Variants in MYO5B observed in about 807,000 individuals in gnomAD.
The protein encoded by MYO5B is myosin VB.
Under a neutral mutation model 229.3 loss-of-function variants are expected in MYO5B, and 143 were observed. The ratio of observed to expected loss-of-function variants is 0.62; its 90% CI spans 0.54 to 0.72. The LOEUF is 0.72. MYO5B is among the 30% of genes least tolerant of loss of function. MYO5B has a pLI of 0.00. For missense variants in MYO5B, 2,321 were observed against 2,331.0 expected (o/e 1.00, Z 0.09); for synonymous variants, 918 against 885.2 (o/e 1.04, Z -0.66).
chr18:49,946,827 A>T (rs1435651573), intron 14 of MYO5B, among the ~76,000 whole-genome samples: 1 of 90 alleles, frequency 0.011, no homozygotes, highest in Non-Finnish European at 0.023. Flanking sequence ...TCTCAAAAGG[A>T]GGTACCAGTA....
intron 18 of MYO5B, among the ~76,000 whole-genome samples, chr18:49,909,077 C>G (rs974378165): frequency 6.6e-6 from 1 of 152,196 alleles, no homozygotes; most frequent in Admixed American, 6.6e-5. Context: ...TCTCATCGTT[C>G]TGTTCTAAAA....
chr18:49,853,541 G>T lies in MYO5B; in HGVS notation c.4129C>A (p.Gln1377Lys). The T allele has an allele frequency of 6.2e-7, 1 of 1,614,190 alleles. No individual in the cohort carries two copies. The change falls in exon 31 of 40, where the codon CAG becomes AAG. Residue 1377 changes from glutamine (Q) to lysine (K), a missense_variant. Physicochemically the swap from Gln to Lys is moderately conservative, Grantham distance 53. Around this residue, in one of 2 missense-constraint regions of MYO5B, gnomAD observed 2,113 missense variants for 2,044.7 expected, o/e 1.03. Transcript: ENST00000285039. ...ALKEEMDKQQ[Q>K]TFCQTLLLSP... ...AGCAGTAGCGTCTGGCAGAAGGTCT[G>T]CTGCTGTTTGTCCATCTCCTCCTTC...
chr18:49,905,231 G>C (rs1430850412), intron 19 of MYO5B, among the ~76,000 whole-genome samples: 1 of 152,144 alleles, frequency 6.6e-6, no homozygotes, highest in East Asian at 1.9e-4. Flanking sequence ...GATCCCAGGG[G>C]CTGTGTCTCC....
intron 18 of MYO5B, among the ~76,000 whole-genome samples, chr18:49,909,770 C>A (rs980733502): frequency 6.6e-6 from 1 of 152,152 alleles, no homozygotes; most frequent in Non-Finnish European, 1.5e-5. Flanking sequence ...TATTTCAGAG[C>A]TCAGTTTGGA....
intron 10 of MYO5B, among the ~76,000 whole-genome samples, chr18:49,965,455 T>TCACA (rs57101973): frequency 0.33 from 48,868 of 146,926 alleles, 9,096 homozygotes; most frequent in Non-Finnish European, 0.43. Context: ...ACACTTCTTT[T>TCACA]CACACACACA....
chr18:50,115,855 T>C (rs180695281), intron 1 of MYO5B, among the ~76,000 whole-genome samples: 1 of 152,268 alleles, frequency 6.6e-6, no homozygotes, highest in East Asian at 1.9e-4. Context: ...AAGTTCTGGA[T>C]TTTTTTCATT....
chr18:49,853,344 C>T, intron 31 of MYO5B, 105 bp downstream of exon 31: 2 of 1,141,100 alleles, frequency 1.8e-6, no homozygotes, highest in South Asian at 1.3e-5. Flanking sequence ...TACTATAGGG[C>T]CAAGGGTCAT....
intron 5 of MYO5B, among the ~76,000 whole-genome samples, chr18:49,995,790 G>T (rs2025981334): frequency 6.6e-6 from 1 of 152,138 alleles, no homozygotes; most frequent in Admixed American, 6.5e-5. Flanking sequence ...AATATATCTA[G>T]GCATAATCAA....
rs557040903 is a variant in MYO5B at position 50,176,806 on chromosome 18, A to C, written c.27+17961T>G. Among the ~76,000 whole-genome samples, 3 of 152,358 alleles carry C rather than the reference A, an allele frequency of 2.0e-5. No homozygotes were observed. In the East Asian group the frequency reaches 5.8e-4, roughly 29 times the overall value. ...AGCACTATCCTTTTCTAAAGGCTGC[A>C]ACTATTTAAGCAACTGCTTTTTTTG... On this transcript the variant is annotated intron_variant, in intron 1 of 39. Coordinates refer to ENST00000285039, the MANE Select transcript of MYO5B (RefSeq NM_001080467.3).
At chr18:50,081,495 T>C (rs1168914675) in intron 1 of MYO5B, among the ~76,000 whole-genome samples, 2 of 152,190 alleles carry the variant, frequency 1.3e-5, no homozygotes, top group African/African-American at 2.4e-5. Flanking sequence ...GAAAACACTA[T>C]GAGAGAGAAA....
intron 39 of MYO5B, among the ~76,000 whole-genome samples, chr18:49,834,177 A>G (rs1174437563): frequency 6.6e-6 from 1 of 152,144 alleles, no homozygotes; most frequent in Non-Finnish European, 1.5e-5. Context: ...ATAAAATCCC[A>G]GGAGTATTCC....
intron 15 of MYO5B, among the ~76,000 whole-genome samples, chr18:49,936,768 T>A (rs2025255120): frequency 6.6e-6 from 1 of 152,210 alleles, no homozygotes. Context: ...ATGTCCAGAA[T>A]GGCAAACTCA....
chr18:50,084,822 C>A (rs533545395), intron 1 of MYO5B, among the ~76,000 whole-genome samples: 1 of 152,254 alleles, frequency 6.6e-6, no homozygotes, highest in South Asian at 2.1e-4. Flanking sequence ...GAAAGGATTC[C>A]CTATTTAATA....
chr18:50,043,797 A>G (rs2030141150), intron 2 of MYO5B, among the ~76,000 whole-genome samples: 2 of 151,232 alleles, frequency 1.3e-5, no homozygotes, highest in South Asian at 4.2e-4. Context: ...TCAGGAATAG[A>G]AAACCAAACA....
At chr18:49,952,026 A>G (rs1463020503) in intron 14 of MYO5B, among the ~76,000 whole-genome samples, 2 of 152,186 alleles carry the variant, frequency 1.3e-5, no homozygotes. Context: ...CCCAGTGATG[A>G]CTAATTCTCT....
At position 49,937,079 on chromosome 18, in the gene MYO5B, T is replaced by C. The variant is rs555283336; in HGVS notation, c.1905+166A>G. ...CTGTTAGTTCCTTGTGGTGAAGGTA[T>C]TGGAGTTTCCTTCTTCTAAGGACAC... On this transcript the variant is annotated intron_variant, in intron 15 of 39. Transcript: ENST00000285039. Among the ~76,000 whole-genome samples the C allele has an allele frequency of 2.6e-5, 4 of 152,294 alleles. No homozygotes were observed. The East Asian group carries it at 5.8e-4, about 22-fold the overall frequency.
intron 21 of MYO5B, among the ~76,000 whole-genome samples, chr18:49,895,877 G>A (rs750150824): frequency 6.6e-6 from 1 of 152,222 alleles, no homozygotes; most frequent in Non-Finnish European, 1.5e-5. Context: ...CTGGTATCAA[G>A]TGCTACTGCA....
chr18:50,001,491 C>T, intron 4 of MYO5B, 80 bp from the exon 5 acceptor site: 1 of 1,505,980 alleles, frequency 6.6e-7, no homozygotes. Flanking sequence ...TGACAAGGGC[C>T]TGAGCCTCAC....
At position 49,829,265 on chromosome 18, in the gene MYO5B, A is replaced by T. The variant is rs544618526; in HGVS notation, c.5395-2642T>A. Among the ~76,000 whole-genome samples the T allele has an allele frequency of 2.0e-5, 3 of 152,180 alleles. No individual in the cohort carries two copies. The South Asian group carries it at 6.2e-4, about 32-fold the overall frequency. On this transcript the variant is annotated intron_variant, in intron 39 of 39. Transcript: ENST00000285039. Reference sequence around the variant, plus strand: ...ATGAGAAATTAGCAAATCAGAAATGAAAGTGAGGACATTACTGCCAATTTT... The same window carrying T: ...ATGAGAAATTAGCAAATCAGAAATGTAAGTGAGGACATTACTGCCAATTTT...
Sources: allele counts gnomAD v4.1 joint callset (sites outside exome capture counted in the v4.1 genomes callset), GRCh38; gene constraint gnomAD v4.1.1; regional missense constraint gnomAD v4.1.1; transcripts MANE v1.5; gene names NCBI Gene and HGNC (gene_info 2026-07-23, HGNC 2026-07-21).